The following DLC1 variants were observed in gnomAD, a reference collection of about 807,000 sequenced individuals.
The protein encoded by DLC1 is DLC1 Rho GTPase activating protein, also known as rho GTPase-activating protein 7.
Under a neutral mutation model 140.3 loss-of-function variants are expected in DLC1, and 54 were observed. That is an observed-to-expected ratio of 0.38 (90% confidence interval 0.31 to 0.48). The LOEUF (loss-of-function observed/expected upper bound fraction) is 0.48, where lower values mean the gene tolerates loss of function less well. Among genes scored for constraint, DLC1 ranks in the 20% least tolerant of loss-of-function variants. DLC1 has a pLI of 0.96. For synonymous variants in DLC1, 986 were observed against 728.1 expected (o/e 1.35, Z -5.70); for missense variants, 2,536 against 1,907.0 (o/e 1.33, Z -6.14).
intron 6 of DLC1, among the ~76,000 whole-genome samples, chr8:13,114,740 A>G (rs1820403876): frequency 6.6e-6 from 1 of 152,212 alleles, no homozygotes; most frequent in African/African-American, 2.4e-5. Flanking sequence ...AATGTGGCCG[A>G]GTGACATGAA....
At chr8:13,185,516 C>A (rs1585864591) in intron 5 of DLC1, among the ~76,000 whole-genome samples, 1 of 152,100 alleles carries the variant, frequency 6.6e-6, no homozygotes, top group South Asian at 2.1e-4. Flanking sequence ...ACTGTGTTAG[C>A]CAGGATGATC....
At chr8:13,331,332 G>C (rs1266182136) in intron 4 of DLC1, among the ~76,000 whole-genome samples, 1 of 152,106 alleles carries the variant, frequency 6.6e-6, no homozygotes, top group African/African-American at 2.4e-5. Flanking sequence ...TTTTTGCTCA[G>C]AGATCTGAGG....
chr8:13,354,661 C>A (rs916212118), intron 4 of DLC1, among the ~76,000 whole-genome samples: 1 of 151,652 alleles, frequency 6.6e-6, no homozygotes, highest in Non-Finnish European at 1.5e-5. Context: ...AATTTTAAAT[C>A]GGGTCAGGTG....
Position 13,083,908 on chromosome 8 carries a change from G to A in DLC1, c.*1903C>T, listed in dbSNP as rs1026149109. 1 of 152,618 alleles carries A rather than the reference G, an allele frequency of 6.6e-6. No homozygotes were observed. Among genetic ancestry groups the A allele is most frequent in the Admixed American group, 6.5e-5 (1 of 15,274 alleles). The allele number at this position is 152,618 out of a possible 1,614,324, so 9.5% of individuals were successfully genotyped here. ...GTGAGATGCAATATTAAGGAAGGCAGCCCAGACTTTTCCCTTACTTTAAAC... is the reference window on the plus strand; with the variant it reads ...GTGAGATGCAATATTAAGGAAGGCAACCCAGACTTTTCCCTTACTTTAAAC... On this transcript the variant is annotated 3_prime_UTR_variant, in exon 18 of 18. Transcript: ENST00000276297.
chr8:13,293,985 A>G (rs1831854883), intron 5 of DLC1, among the ~76,000 whole-genome samples: 1 of 152,206 alleles, frequency 6.6e-6, no homozygotes, highest in African/African-American at 2.4e-5. Context: ...ATTTTATCGA[A>G]CACTCAGGAT....
chr8:13,532,832 TC>T, intron 1 of DLC1, among the ~76,000 whole-genome samples: 1 of 152,226 alleles, frequency 6.6e-6, no homozygotes, highest in African/African-American at 2.4e-5. Context: ...TAGACCCTCA[TC>T]CCCCCATCTC....
chr8:13,536,259 C>T (rs1302290882), intron 1 of DLC1: 1 of 151,962 alleles, frequency 6.6e-6, no homozygotes, highest in East Asian at 1.9e-4. Flanking sequence ...CACGGAGAGA[C>T]AAATAACAGT....
At chr8:13,122,578 A>T (rs1276185381) in intron 5 of DLC1, among the ~76,000 whole-genome samples, 1 of 152,226 alleles carries the variant, frequency 6.6e-6, no homozygotes, top group Non-Finnish European at 1.5e-5. Flanking sequence ...TGCAATTAAA[A>T]AACAACCAAC....
At chr8:13,389,404 G>A (rs1209679308) in intron 4 of DLC1, among the ~76,000 whole-genome samples, 3 of 151,976 alleles carry the variant, frequency 2.0e-5, no homozygotes, top group Admixed American at 6.6e-5. Context: ...AAGGGCTCGC[G>A]GGTTGTTTAT....
chr8:13,497,018 T>A (rs977549674), intron 2 of DLC1, among the ~76,000 whole-genome samples: 9 of 152,004 alleles, frequency 5.9e-5, no homozygotes, highest in Admixed American at 5.9e-4. Context: ...GCCGGGATGG[T>A]CTCGATCTCC....
intron 5 of DLC1, among the ~76,000 whole-genome samples, chr8:13,213,760 A>G (rs953851183): frequency 2.0e-5 from 3 of 151,764 alleles, no homozygotes; most frequent in Non-Finnish European, 2.9e-5. Context: ...GATGCGTTTC[A>G]TAAGTGTTTA....
chr8:13,190,056 A>C (rs948364276), intron 5 of DLC1, among the ~76,000 whole-genome samples: 1 of 152,204 alleles, frequency 6.6e-6, no homozygotes. Flanking sequence ...AAAAACATCA[A>C]AAGAAACAGA....
chr8:13,444,105 G>C (rs1369106387), intron 2 of DLC1, among the ~76,000 whole-genome samples: 1 of 119,048 alleles, frequency 8.4e-6, no homozygotes, highest in Non-Finnish European at 1.9e-5. Context: ...TAGAATTCCT[G>C]GTTTGTTTTT....
chr8:13,286,220 T>A (rs781315118), intron 5 of DLC1, among the ~76,000 whole-genome samples: 3 of 152,100 alleles, frequency 2.0e-5, no homozygotes, highest in Non-Finnish European at 4.4e-5. Context: ...ACCATCAGAA[T>A]CCTCAATCTC....
intron 5 of DLC1, among the ~76,000 whole-genome samples, chr8:13,211,661 C>G (rs1405565130): frequency 6.6e-6 from 1 of 152,146 alleles, no homozygotes; most frequent in African/African-American, 2.4e-5. Flanking sequence ...AGTCATGTTT[C>G]CTCTGTCTAT....
chr8:13,379,769 G>T (rs868133699), intron 4 of DLC1, among the ~76,000 whole-genome samples: 1 of 152,084 alleles, frequency 6.6e-6, no homozygotes, highest in African/African-American at 2.4e-5. Context: ...AGCCCCTCAG[G>T]CCTTAGGTAT....
intron 2 of DLC1, among the ~76,000 whole-genome samples, chr8:13,416,685 G>A (rs997275355): frequency 7.2e-5 from 11 of 152,082 alleles, no homozygotes; most frequent in African/African-American, 2.7e-4. Flanking sequence ...GGGTACATAG[G>A]GTTTTGTCAT....
intron 4 of DLC1, among the ~76,000 whole-genome samples, chr8:13,358,492 C>A (rs1052562079): frequency 2.6e-5 from 4 of 151,970 alleles, no homozygotes; most frequent in African/African-American, 9.7e-5. Context: ...ACTGCATAGG[C>A]GATTATTAAT....
intron 1 of DLC1, chr8:13,567,902 G>T: frequency 2.6e-6 from 4 of 1,551,906 alleles, no homozygotes; most frequent in Non-Finnish European, 3.5e-6. Flanking sequence ...TTTCTCAAGC[G>T]ACTTACTCTA....
Sources: gnomAD v4.1 joint callset for allele counts (sites outside exome capture counted in the v4.1 genomes callset) on GRCh38, gnomAD v4.1.1 for gene constraint, MANE v1.5 for transcripts, NCBI Gene and HGNC (gene_info 2026-07-23, HGNC 2026-07-21) for gene names.